Variants in DDX1 observed in about 807,000 individuals in gnomAD.
DDX1 encodes DEAD-box helicase 1, also known as ATP-dependent RNA helicase DDX1.
Under a neutral mutation model 108.7 loss-of-function variants are expected in DDX1, and 28 were observed. That is an observed-to-expected ratio of 0.26 (90% confidence interval 0.19 to 0.35). DDX1 has a LOEUF of 0.35. DDX1 is among the 10% of genes least tolerant of loss of function. DDX1 has a pLI of 1.00. For synonymous variants in DDX1, 295 were observed against 288.9 expected (o/e 1.02, Z -0.21); for missense variants, 710 against 884.5 (o/e 0.80, Z 2.50).
At chr2:15,596,869 A>T in intron 4 of DDX1, 106 bp downstream of exon 4, 1 of 864,488 alleles carries the variant, frequency 1.2e-6, no homozygotes, top group Non-Finnish European at 1.8e-6. Flanking sequence ...AACCTCCAAA[A>T]GGTAAGGAAT....
intron 13 of DDX1, among the ~76,000 whole-genome samples, chr2:15,607,670 T>C (rs1665687575): frequency 6.6e-6 from 1 of 152,168 alleles, no homozygotes; most frequent in East Asian, 1.9e-4. Flanking sequence ...CACTGCAACC[T>C]TGACCTCCTG....
At position 15,631,015 on chromosome 2, in the gene DDX1, A is replaced by G. The variant is rs1666186524; in HGVS notation, c.*109A>G. 8.0e-6 allele frequency: 8 copies of G among 995,774 alleles called. No individual in the cohort carries two copies. Among genetic ancestry groups the G allele is most frequent in the African/African-American group, 3.2e-5 (2 of 61,894 alleles). The allele number at this position is 995,774 out of a possible 1,614,324, so 61.7% of individuals were successfully genotyped here. On this transcript the variant is annotated 3_prime_UTR_variant, in exon 26 of 26. Coordinates refer to ENST00000233084, the MANE Select transcript of DDX1 (RefSeq NM_004939.3). ...AGTATTTATAGTAACGTAAGCTATT[A>G]ATGCTAACTCTTGCATGTCAAGAAA...
intron 20 of DDX1, 106 bp from the exon 21 acceptor site, chr2:15,628,339 A>T: frequency 1.2e-6 from 1 of 809,476 alleles, no homozygotes; most frequent in Non-Finnish European, 2.1e-6. Context: ...ATCTGATAGT[A>T]ACACTTGAGT....
chr2:15,623,437 G>A lies in DDX1; in HGVS notation c.1449G>A (p.Glu483=), dbSNP rs1666043416. 1 of 1,613,106 alleles carries A rather than the reference G, an allele frequency of 6.2e-7. No homozygotes were observed. Among genetic ancestry groups the A allele is most frequent in the Admixed American group, 1.7e-5 (1 of 59,972 alleles). Residue 483 remains glutamate (E), a splice_region_variant and synonymous_variant, in exon 19 of 26, where the codon GAG becomes GAA. Transcript: ENST00000233084. ...DNTRPGANSP[E]MWSEAIKILK... Reference sequence around the variant, plus strand: ...TTTGTTGTTGTTATGATATTCAAGAGATGTGGTCTGAAGCTATTAAAATCC... The same window carrying A: ...TTTGTTGTTGTTATGATATTCAAGAAATGTGGTCTGAAGCTATTAAAATCC...
At chr2:15,615,994 G>C (rs1330252325) in intron 14 of DDX1, among the ~76,000 whole-genome samples, 1 of 151,990 alleles carries the variant, frequency 6.6e-6, no homozygotes, top group African/African-American at 2.4e-5. Flanking sequence ...CCAGGTTCAA[G>C]CAGTTCTCCT....
At chr2:15,619,404 C>A (rs1665953850) in intron 16 of DDX1, among the ~76,000 whole-genome samples, 1 of 152,150 alleles carries the variant, frequency 6.6e-6, no homozygotes, top group African/African-American at 2.4e-5. Flanking sequence ...GTTGGGGTGG[C>A]CCAGTCAGCT....
intron 2 of DDX1, 83 bp downstream of exon 2, chr2:15,595,279 G>C (rs1400153933): frequency 1.4e-5 from 17 of 1,236,494 alleles, no homozygotes; most frequent in Non-Finnish European, 1.7e-5. Context: ...AAATATTTTT[G>C]TGTCTAGTTG....
intron 14 of DDX1, among the ~76,000 whole-genome samples, chr2:15,616,047 C>T (rs1232202393): frequency 7.2e-6 from 1 of 139,362 alleles, no homozygotes; most frequent in Non-Finnish European, 1.5e-5. Flanking sequence ...TGCACGCCGC[C>T]ATGCCCGGCT....
chr2:15,625,334 T>C (rs1666083841), intron 19 of DDX1, among the ~76,000 whole-genome samples: 2 of 152,144 alleles, frequency 1.3e-5, no homozygotes, highest in East Asian at 1.9e-4. Context: ...TGGGAAAGGA[T>C]ATGAGGGTAT....
Position 15,599,601 on chromosome 2 carries a change from C to T in DDX1, c.260-68C>T. 6 of 1,272,432 alleles carry T rather than the reference C, an allele frequency of 4.7e-6. No individual in the cohort carries two copies. In the South Asian group the frequency reaches 6.6e-5, roughly 14 times the overall value. The allele number at this position is 1,272,432 out of a possible 1,614,324, so 78.8% of individuals were successfully genotyped here. A position where few individuals can be genotyped will look rare whatever the true frequency, so the allele number is the denominator to read the frequency against. On this transcript the variant is annotated intron_variant, in intron 5 of 25. Coordinates refer to ENST00000233084, the MANE Select transcript of DDX1 (RefSeq NM_004939.3). ...GTGCTGAGATTACAGTCGTGAGTCA[C>T]CGCACCCGGCCAAGCATTTTAAATT...
At chr2:15,614,549 A>T (rs906146157) in intron 14 of DDX1, among the ~76,000 whole-genome samples, 1 of 152,294 alleles carries the variant, frequency 6.6e-6, no homozygotes, top group Admixed American at 6.5e-5. Flanking sequence ...AGATGATTAG[A>T]TCGCGAGGGC....
intron 20 of DDX1, 104 bp downstream of exon 20, chr2:15,627,249 A>C: frequency 1.6e-6 from 1 of 635,762 alleles, no homozygotes; most frequent in South Asian, 2.4e-5. Flanking sequence ...TGTCCTAGAA[A>C]TTTCAAAATG....
rs573882261 is a variant in DDX1, at chr2:15,592,222, C to T, written c.16+273C>T. On this transcript the variant is annotated intron_variant, in intron 1 of 25. Transcript: ENST00000233084. ...TCCACTTGGCTTTCCTGCCAGTGCA[C>T]CTTCGGCTGCAAAATCTAGGCGGCG... Among the ~76,000 whole-genome samples the T allele has an allele frequency of 2.5e-3, 380 of 152,354 alleles. 1 individual carries two copies. The highest frequency in any genetic ancestry group is 8.7e-3 in the African/African-American group (363 of 41,594).
At chr2:15,616,514 C>T (rs1019146655) in intron 14 of DDX1, among the ~76,000 whole-genome samples, 1 of 152,144 alleles carries the variant, frequency 6.6e-6, no homozygotes, top group African/African-American at 2.4e-5. Context: ...TGTACTGGCA[C>T]CGAGGCTCAC....
chr2:15,620,488 G>T (rs1370029542), intron 17 of DDX1, 92 bp downstream of exon 17: 2 of 950,312 alleles, frequency 2.1e-6, no homozygotes, highest in Non-Finnish European at 3.1e-6. Context: ...AAGGCAATCA[G>T]TTATTGTATC....
intron 14 of DDX1, among the ~76,000 whole-genome samples, chr2:15,613,817 GAGA>G (rs998879491): frequency 2.0e-5 from 3 of 151,014 alleles, no homozygotes; most frequent in Non-Finnish European, 4.4e-5. Flanking sequence ...TCCACTGTTG[GAGA>G]AGAAGTTTAG....
intron 13 of DDX1, among the ~76,000 whole-genome samples, chr2:15,611,545 G>T (rs1215236809): frequency 7.4e-6 from 1 of 135,600 alleles, no homozygotes; most frequent in African/African-American, 2.9e-5. Flanking sequence ...CGGACGGGGC[G>T]GCTGGCCGGG....
At chr2:15,620,452 T>C in intron 17 of DDX1, 56 bp downstream of exon 17, 1 of 1,397,666 alleles carries the variant, frequency 7.2e-7, no homozygotes, top group Non-Finnish European at 9.8e-7. Context: ...ATAAACTAGG[T>C]CAGCCTTGGG....
intron 13 of DDX1, 123 bp from the exon 14 acceptor site, chr2:15,613,101 C>T (rs1014798414): frequency 1.5e-6 from 1 of 660,532 alleles, no homozygotes; most frequent in African/African-American, 1.9e-5. Context: ...TTATTGTAGG[C>T]TTTTTTCCTC....
Sources: allele counts gnomAD v4.1 joint callset (sites outside exome capture counted in the v4.1 genomes callset), GRCh38; gene constraint gnomAD v4.1.1; transcripts MANE v1.5; gene names NCBI Gene and HGNC (gene_info 2026-07-23, HGNC 2026-07-21).